Variants in SAMD4A observed in about 807,000 individuals in gnomAD.
The protein encoded by SAMD4A is protein Smaug homolog 1.
SAMD4A carries 33 observed loss-of-function variants against 81.3 expected under a neutral mutation model. The observed-to-expected ratio is 0.41, with a 90% CI of 0.31 to 0.54. The LOEUF (loss-of-function observed/expected upper bound fraction) is 0.54, where lower values mean the gene tolerates loss of function less well. SAMD4A is among the 20% of genes least tolerant of loss of function. The pLI, the probability that SAMD4A is intolerant of heterozygous loss-of-function variation, is 0.37. For synonymous variants in SAMD4A, 389 were observed against 382.1 expected, an observed-to-expected ratio of 1.02 and a Z score of -0.21; for missense variants, 854 against 951.1, an observed-to-expected ratio of 0.90 and a Z score of 1.34.
chr14:54,755,942 T>C (rs940895685), intron 6 of SAMD4A, among the ~76,000 whole-genome samples: 7 of 152,146 alleles, frequency 4.6e-5, no homozygotes, highest in African/African-American at 1.7e-4. Flanking sequence ...CACACACTCA[T>C]GCATTCACCT....
intron 3 of SAMD4A, among the ~76,000 whole-genome samples, chr14:54,720,834 C>G (rs563358494): frequency 6.6e-6 from 1 of 152,156 alleles, no homozygotes; most frequent in Non-Finnish European, 1.5e-5. Flanking sequence ...GGTACCTGCT[C>G]TCCAAGTCCT....
chr14:54,698,928 AT>A (rs57922006), intron 2 of SAMD4A, among the ~76,000 whole-genome samples: 4,297 of 142,390 alleles, frequency 0.03, 134 homozygotes, highest in African/African-American at 0.086. Flanking sequence ...TTTGTTGCTG[AT>A]TTTTTTTTTT....
intron 6 of SAMD4A, among the ~76,000 whole-genome samples, chr14:54,757,310 C>G (rs148770561): frequency 1.3e-5 from 2 of 151,486 alleles, no homozygotes; most frequent in East Asian, 3.9e-4. Flanking sequence ...GAAAAAAATT[C>G]TACATGATTC....
chr14:54,566,825 G>A (rs2032952088), upstream of SAMD4A, among the ~76,000 whole-genome samples: 1 of 152,120 alleles, frequency 6.6e-6, no homozygotes, highest in Non-Finnish European at 1.5e-5. Flanking sequence ...CCTCCCGGGT[G>A]GGCTGGTGCG....
At chr14:54,685,579 G>A (rs2036245745) in intron 2 of SAMD4A, 3 of 422,184 alleles carry the variant, frequency 7.1e-6, no homozygotes, top group Non-Finnish European at 1.4e-5. Context: ...GCTAGTACTT[G>A]TTCGTAGATT....
intron 2 of SAMD4A, among the ~76,000 whole-genome samples, chr14:54,680,678 G>A (rs1746367735): frequency 6.6e-6 from 1 of 152,238 alleles, no homozygotes; most frequent in Admixed American, 6.5e-5. Context: ...AAAGCTTAAA[G>A]AAACCAGCAT....
intron 12 of SAMD4A, among the ~76,000 whole-genome samples, chr14:54,785,333 A>G (rs1457022166): frequency 6.6e-6 from 1 of 152,236 alleles, no homozygotes; most frequent in Admixed American, 6.5e-5. Context: ...ATGCTTGGTC[A>G]CAGCAGCCCT....
chr14:54,627,981 G>T (rs1046499291), intron 2 of SAMD4A, among the ~76,000 whole-genome samples: 6 of 152,036 alleles, frequency 3.9e-5, no homozygotes, highest in Non-Finnish European at 5.9e-5. Context: ...GGGAAAAAGA[G>T]AAGAGAGGTC....
intron 2 of SAMD4A, among the ~76,000 whole-genome samples, chr14:54,583,223 G>A (rs143204197): frequency 1.7e-3 from 264 of 152,266 alleles, no homozygotes; most frequent in African/African-American, 6.1e-3. Context: ...TCTCCCTCAC[G>A]TAGGGTTGCC....
chr14:54,622,367 G>A (rs927817787), intron 2 of SAMD4A, among the ~76,000 whole-genome samples: 5 of 152,194 alleles, frequency 3.3e-5, no homozygotes, highest in African/African-American at 9.7e-5. Flanking sequence ...ATCTAGGGAA[G>A]CAGGATGTAG....
intron 2 of SAMD4A, among the ~76,000 whole-genome samples, chr14:54,606,217 GCA>G (rs146702706): frequency 2.4e-3 from 342 of 144,214 alleles, no homozygotes; most frequent in African/African-American, 4.6e-3. Flanking sequence ...GTGTGTGCGT[GCA>G]CGTGCACGTG....
chr14:54,714,923 G>A (rs1242745734), intron 3 of SAMD4A, among the ~76,000 whole-genome samples: 1 of 152,012 alleles, frequency 6.6e-6, no homozygotes, highest in African/African-American at 2.4e-5. Flanking sequence ...ATTCCCTTAA[G>A]GATTGTTCTA....
intron 2 of SAMD4A, among the ~76,000 whole-genome samples, chr14:54,581,251 C>T (rs2033456679): frequency 6.6e-6 from 1 of 152,224 alleles, no homozygotes; most frequent in Non-Finnish European, 1.5e-5. Context: ...CGACATTATT[C>T]TCAAAGTACC....
intron 2 of SAMD4A, among the ~76,000 whole-genome samples, chr14:54,590,741 G>T (rs981854816): frequency 6.6e-6 from 1 of 152,126 alleles, no homozygotes; most frequent in African/African-American, 2.4e-5. Flanking sequence ...CTCCACACAT[G>T]AGCTGTGTAT....
At chr14:54,784,646 C>T (rs779253536) in intron 12 of SAMD4A, 26 bp downstream of exon 12, 1 of 1,593,608 alleles carries the variant, frequency 6.3e-7, no homozygotes, top group Non-Finnish European at 8.6e-7. Context: ...CTGCATGTCC[C>T]CATGTCCCTG....
intron 6 of SAMD4A, among the ~76,000 whole-genome samples, chr14:54,752,785 G>A (rs1395329883): frequency 6.6e-6 from 1 of 152,152 alleles, no homozygotes; most frequent in Non-Finnish European, 1.5e-5. Flanking sequence ...TGTTTTTATT[G>A]GTTACTATCT....
chr14:54,579,857 G>A (rs749160409), intron 2 of SAMD4A, among the ~76,000 whole-genome samples: 6 of 152,198 alleles, frequency 3.9e-5, no homozygotes, highest in Non-Finnish European at 8.8e-5. Context: ...GACAAACTAG[G>A]AAGTGATGTG....
intron 2 of SAMD4A, among the ~76,000 whole-genome samples, chr14:54,676,080 G>A (rs764009163): frequency 5.3e-5 from 8 of 152,170 alleles, no homozygotes; most frequent in Non-Finnish European, 8.8e-5. Context: ...GCAAGGCCGC[G>A]ACTCAATACT....
intron 3 of SAMD4A, among the ~76,000 whole-genome samples, chr14:54,719,216 CT>C (rs1309815551): frequency 1.3e-5 from 2 of 151,854 alleles, no homozygotes; most frequent in African/African-American, 4.8e-5. Context: ...TTATCTTCAA[CT>C]TAAAGAACCC....
Sources: gnomAD v4.1 joint callset for allele counts (sites outside exome capture counted in the v4.1 genomes callset) on GRCh38, gnomAD v4.1.1 for gene constraint, MANE v1.5 for transcripts, NCBI Gene and HGNC (gene_info 2026-07-23, HGNC 2026-07-21) for gene names.